Variants in SHCBP1L observed in about 807,000 individuals in gnomAD.
The protein encoded by SHCBP1L is SHC binding and spindle associated 1 like, also known as testicular spindle-associated protein SHCBP1L.
Under a neutral mutation model 62.5 loss-of-function variants are expected in SHCBP1L, and 67 were observed. That is an observed-to-expected ratio of 1.07 (90% confidence interval 0.88 to 1.31). The LOEUF is 1.31. SHCBP1L is among the 40% of genes most tolerant of loss of function. The pLI is 0.00. For missense variants in SHCBP1L, 823 were observed against 809.8 expected (o/e 1.02, Z -0.20); for synonymous variants, 284 against 289.4 (o/e 0.98, Z 0.19).
chr1:182,953,003 G>A lies in SHCBP1L; in HGVS notation c.131C>T (p.Ala44Val), dbSNP rs1558008110. ...GGCCACCACCGACCGCACTGGGATCGCGGTGCCCTTCAGGGTGGTCGCGGC... is the reference window on the plus strand; with the variant it reads ...GGCCACCACCGACCGCACTGGGATCACGGTGCCCTTCAGGGTGGTCGCGGC... ...TAAATTLKGT[A>V]IPVRSVVASP... is the part of the protein sequence containing the mutation. The change falls in exon 1 of 10, where the codon GCG (alanine) becomes GTG (valine). Residue 44 changes from alanine to valine, a missense_variant. Transcript: ENST00000367547. The A allele has an allele frequency of 6.5e-7, 1 of 1,543,002 alleles. No homozygotes were observed. Among genetic ancestry groups the A allele is most frequent in the Non-Finnish European group, 8.7e-7 (1 of 1,148,118 alleles).
intron 6 of SHCBP1L, among the ~76,000 whole-genome samples, chr1:182,924,798 A>AG: frequency 7.6e-6 from 1 of 131,720 alleles, no homozygotes; most frequent in South Asian, 2.9e-4. Context: ...GAGAGAAAGA[A>AG]AGGAAGGAAG....
At chr1:182,930,760 C>G (rs1571350528) in intron 5 of SHCBP1L, among the ~76,000 whole-genome samples, 1 of 83,064 alleles carries the variant, frequency 1.2e-5, no homozygotes, top group African/African-American at 4.6e-5. Context: ...TTATTAAAGA[C>G]AGGGTCTTAC....
chr1:182,922,927 G>A (rs1035096596), intron 6 of SHCBP1L, among the ~76,000 whole-genome samples: 3 of 152,088 alleles, frequency 2.0e-5, no homozygotes, highest in Admixed American at 6.6e-5. Context: ...AATTTGAGAT[G>A]TGAAAAACCA....
At chr1:182,935,637 C>T (rs1255809815) in intron 5 of SHCBP1L, among the ~76,000 whole-genome samples, 1 of 152,002 alleles carries the variant, frequency 6.6e-6, no homozygotes, top group Non-Finnish European at 1.5e-5. Context: ...GTTTGTAGGC[C>T]TTTTGTTTCT....
intron 5 of SHCBP1L, among the ~76,000 whole-genome samples, chr1:182,931,805 C>T (rs1288956029): frequency 6.6e-6 from 1 of 152,158 alleles, no homozygotes; most frequent in Admixed American, 6.6e-5. Flanking sequence ...TCAGAGTTGA[C>T]TCTTGGTGTT....
At chr1:182,944,503 C>CA (rs201325413) in intron 2 of SHCBP1L, 8,665 of 128,384 alleles carry the variant, frequency 0.067, 296 homozygotes, top group Admixed American at 0.1. Context: ...TACTCAGTCT[C>CA]AAAAAAAAAA....
intron 6 of SHCBP1L, among the ~76,000 whole-genome samples, chr1:182,927,282 A>G (rs1470639007): frequency 6.6e-6 from 1 of 151,768 alleles, no homozygotes; most frequent in Non-Finnish European, 1.5e-5. Context: ...GATCACCAAC[A>G]TAAGATGATG....
rs1026457188 is a variant in SHCBP1L at position 182,904,554 on chromosome 1, T to C, written c.1337-124A>G. ...GTGTGCGTGTGTGTGTGTGTGTGTG[T>C]GTGTGTGTGTGTGTGTGTGTGTGCG... On this transcript the variant is annotated intron_variant, in intron 7 of 9. Transcript: ENST00000367547. 47 of 850,046 alleles carry C rather than the reference T, an allele frequency of 5.5e-5. No individual in the cohort carries two copies. In the East Asian group the frequency reaches 1.1e-3, roughly 20 times the overall value. 52.7% of individuals were successfully genotyped at this position (850,046 alleles called of 1,614,324 possible).
At position 182,952,939 on chromosome 1, in the gene SHCBP1L, C is replaced by T. The variant is rs777802630; in HGVS notation, c.195G>A (p.Thr65=). 1.3e-6 allele frequency: 2 copies of T among 1,552,544 alleles called. No homozygotes were observed. Among genetic ancestry groups the T allele is most frequent in the Non-Finnish European group, 1.7e-6 (2 of 1,150,648 alleles). The stretch of plus-strand genomic sequence containing the variant: ...GCAGGCGCTGGAGCCGCAGCCTGGC[C>T]GTCTCCCGGCCCGCTTTCCCCTTCA... ...RPVKGKAGRE[T]ARLRLQRLPA... The change falls in exon 1 of 10, where the codon ACG becomes ACA. Residue 65 remains threonine (T), a synonymous_variant. Transcript: ENST00000367547.
Position 182,903,024 on chromosome 1 carries a change from G to A in SHCBP1L, c.1710+15C>T. 2 of 1,556,144 alleles carry A rather than the reference G, an allele frequency of 1.3e-6. No homozygotes were observed. The highest frequency in any genetic ancestry group is 1.7e-6 in the Non-Finnish European group (2 of 1,152,788). Reference sequence around the variant, plus strand: ...AATTCTTATAACAATGCTACATCAAGAAATAAGAGAATACCTTCATATTAA... The same window carrying A: ...AATTCTTATAACAATGCTACATCAAAAAATAAGAGAATACCTTCATATTAA... On this transcript the variant is annotated intron_variant, in intron 9 of 9. Transcript: ENST00000367547.
chr1:182,907,925 A>T (rs1315187435), intron 6 of SHCBP1L, among the ~76,000 whole-genome samples: 1 of 152,218 alleles, frequency 6.6e-6, no homozygotes, highest in Admixed American at 6.5e-5. Context: ...ATGGAAAAGA[A>T]AGCATAACAA....
intron 5 of SHCBP1L, among the ~76,000 whole-genome samples, chr1:182,930,551 G>GTGTATATATA (rs1399656724): frequency 4.0e-5 from 2 of 49,464 alleles, no homozygotes; most frequent in East Asian, 1.1e-3. Flanking sequence ...TAGTGTGTGT[G>GTGTATATATA]TATATATATA....
chr1:182,918,348 T>G (rs2101930786), intron 6 of SHCBP1L, among the ~76,000 whole-genome samples: 1 of 151,780 alleles, frequency 6.6e-6, no homozygotes, highest in East Asian at 1.9e-4. Flanking sequence ...AAATCAGTTT[T>G]GTTTTTATAT....
chr1:182,951,375 A>G lies in SHCBP1L; in HGVS notation c.498T>C (p.Ser166=), dbSNP rs1651739653. The G allele has an allele frequency of 6.2e-7, 1 of 1,609,460 alleles. No homozygotes were observed. Among genetic ancestry groups the G allele is most frequent in the Non-Finnish European group, 8.5e-7 (1 of 1,177,470 alleles). The change falls in exon 2 of 10, where the codon AGT becomes AGC. Residue 166 remains serine (S), a synonymous_variant. Transcript: ENST00000367547. The part of the protein sequence containing the change: ...KWLGVWKTNP[S]VFFVKYEEAS... ...CTTCTTCATATTTCACAAAGAATAC[A>G]CTGGGATTAGTCTTCCAGACTCCAA... is the stretch of plus-strand genomic sequence containing the variant.
chr1:182,910,922 C>A (rs1650162502), intron 6 of SHCBP1L, among the ~76,000 whole-genome samples: 1 of 151,936 alleles, frequency 6.6e-6, no homozygotes, highest in Non-Finnish European at 1.5e-5. Flanking sequence ...TGGATCCAGG[C>A]TCTGTCACCC....
At chr1:182,904,616 C>G (rs906194781) in intron 7 of SHCBP1L, among the ~76,000 whole-genome samples, 186 bp from the exon 8 acceptor site, 7 of 150,606 alleles carry the variant, frequency 4.6e-5, no homozygotes, top group African/African-American at 1.5e-4. Flanking sequence ...GCTATGTTGC[C>G]CAGGCTAGTC....
chr1:182,947,662 A>T (rs1418484415), intron 2 of SHCBP1L, among the ~76,000 whole-genome samples: 1 of 152,206 alleles, frequency 6.6e-6, no homozygotes, highest in Admixed American at 6.5e-5. Context: ...TGAAGACAAC[A>T]GAAATGAAGA....
At position 182,903,168 on chromosome 1, in the gene SHCBP1L, A is replaced by T; in HGVS notation, c.1588-7T>A. 1 of 1,525,022 alleles carries T rather than the reference A, an allele frequency of 6.6e-7. No homozygotes were observed. The highest frequency in any genetic ancestry group is 8.8e-7 in the Non-Finnish European group (1 of 1,139,214). 94.5% of individuals were successfully genotyped at this position (1,525,022 alleles called of 1,614,324 possible). A position where few individuals can be genotyped will look rare whatever the true frequency, so the allele number is the denominator to read the frequency against. ...ACAGTTCAACACCAGCACCCTGTAA[A>T]TTAAAAGCAAATAAAACTATCTACA... On this transcript the variant is annotated splice_polypyrimidine_tract_variant and splice_region_variant and intron_variant, in intron 8 of 9. Coordinates refer to ENST00000367547, the MANE Select transcript of SHCBP1L (RefSeq NM_030933.4).
chr1:182,902,980 A>G, intron 9 of SHCBP1L, 59 bp downstream of exon 9: 1 of 1,325,314 alleles, frequency 7.5e-7, no homozygotes, highest in Non-Finnish European at 1.0e-6. Context: ...CTAATATTTT[A>G]GTACTTATAA....
Sources: gnomAD v4.1 joint callset for allele counts (sites outside exome capture counted in the v4.1 genomes callset) on GRCh38, gnomAD v4.1.1 for gene constraint, MANE v1.5 for transcripts, NCBI Gene and HGNC (gene_info 2026-07-23, HGNC 2026-07-21) for gene names.